Variants in ZNF223 observed in about 807,000 individuals in gnomAD.
ZNF223 encodes zinc finger protein 223.
In ZNF223, 9 loss-of-function variants were observed where a neutral mutation model predicts 12.3. That is an observed-to-expected ratio of 0.73 (90% CI 0.44 to 1.28). The LOEUF is 1.28. ZNF223 is among the 50% of genes most tolerant of loss of function. The pLI is 0.00. For missense variants in ZNF223, 506 were observed against 579.0 expected (o/e 0.87, Z 1.29); for synonymous variants, 171 against 195.2 (o/e 0.88, Z 1.03).
At chr19:44,060,707 A>G (rs945444696) in intron 3 of ZNF223, 42 bp from the exon 4 acceptor site, 1 of 1,613,526 alleles carries the variant, frequency 6.2e-7, no homozygotes, top group Non-Finnish European at 8.5e-7. Context: ...GATATTATCT[A>G]GAATATGTTG....
intron 2 of ZNF223, among the ~76,000 whole-genome samples, chr19:44,059,710 C>T (rs899878546): frequency 6.6e-6 from 1 of 152,162 alleles, no homozygotes; most frequent in Non-Finnish European, 1.5e-5. Flanking sequence ...ACATCCATTC[C>T]CCTGGTTGTT....
At chr19:44,059,271 C>A in intron 2 of ZNF223, among the ~76,000 whole-genome samples, 1 of 152,166 alleles carries the variant, frequency 6.6e-6, no homozygotes. Flanking sequence ...ATCAAAGGAA[C>A]ATGGTGCGAG....
chr19:44,065,494 G>A (rs1341967763), intron 4 of ZNF223, among the ~76,000 whole-genome samples: 1 of 151,434 alleles, frequency 6.6e-6, no homozygotes, highest in African/African-American at 2.4e-5. Flanking sequence ...TTAAATGTAT[G>A]TGTCATATTA....
In ZNF223 at chr19:44,067,062, G is replaced by A; in HGVS notation, c.1234G>A (p.Ala412Thr). The A allele has an allele frequency of 6.2e-7, 1 of 1,613,900 alleles. No individual in the cohort carries two copies. ...TGACTGTGGGAAGAGCTTTAGACAG[G>A]CCTCAAGTATTTTGAATCATAAGAG... ...CDDCGKSFRQ[A>T]SSILNHKRLH... is the part of the protein sequence containing the mutation. Residue 412 changes from alanine to threonine, a missense_variant, in exon 5 of 5, where the codon GCC becomes ACC. By Grantham distance (58) the Ala-to-Thr change is moderately conservative. Transcript: ENST00000434772.
chr19:44,057,675 G>C (rs1269268752), intron 2 of ZNF223, among the ~76,000 whole-genome samples: 3 of 152,204 alleles, frequency 2.0e-5, no homozygotes, highest in African/African-American at 7.2e-5. Context: ...GGTTAGAAAT[G>C]GGCAGACTCT....
chr19:44,059,905 CAG>C (rs1350751224), intron 2 of ZNF223, among the ~76,000 whole-genome samples: 4 of 152,176 alleles, frequency 2.6e-5, no homozygotes, highest in Non-Finnish European at 4.4e-5. Flanking sequence ...CCATAGAAGT[CAG>C]GGGATGTTCA....
rs369738217 is a variant in ZNF223 at position 44,060,727 on chromosome 19, A to T, written c.143-22A>T. On this transcript the variant is annotated intron_variant, in intron 3 of 4. Coordinates refer to ENST00000434772, the MANE Select transcript of ZNF223 (RefSeq NM_013361.6). ...TATCTAGAATATGTTGGGATTAAGC[A>T]TGTGACTTTTCCTGTTTACAGGGCA... is the stretch of plus-strand genomic sequence containing the variant. 5 of 1,613,960 alleles carry T rather than the reference A, an allele frequency of 3.1e-6. No homozygotes were observed. In the East Asian group the frequency reaches 8.9e-5, roughly 29 times the overall value.
Position 44,066,051 on chromosome 19 carries a change from T to G in ZNF223, c.236-13T>G, listed in dbSNP as rs757049159. 3 of 1,566,836 alleles carry G rather than the reference T, an allele frequency of 1.9e-6. No individual in the cohort carries two copies. The highest frequency in any genetic ancestry group is 2.6e-6 in the Non-Finnish European group (3 of 1,162,452). On this transcript the variant is annotated splice_polypyrimidine_tract_variant and intron_variant, in intron 4 of 4. Coordinates refer to ENST00000434772, the MANE Select transcript of ZNF223 (RefSeq NM_013361.6). Reference sequence around the variant, plus strand: ...ATAGCTTGTCCTGATCTCTTAATTTTGTATTCTGATAGGAGGCAAGATCCA... The same window carrying G: ...ATAGCTTGTCCTGATCTCTTAATTTGGTATTCTGATAGGAGGCAAGATCCA...
chr19:44,059,279 G>A (rs545648659), intron 2 of ZNF223, among the ~76,000 whole-genome samples: 3 of 152,184 alleles, frequency 2.0e-5, no homozygotes, highest in African/African-American at 7.2e-5. Context: ...AACATGGTGC[G>A]AGAAAGCACA....
chr19:44,052,562 A>G (rs1465445019), intron 1 of ZNF223, among the ~76,000 whole-genome samples: 1 of 152,204 alleles, frequency 6.6e-6, no homozygotes, highest in Non-Finnish European at 1.5e-5. Flanking sequence ...AACGTTTGAT[A>G]TCATTTCAAA....
At chr19:44,053,908 C>T (rs1239042609) in intron 1 of ZNF223, among the ~76,000 whole-genome samples, 1 of 152,182 alleles carries the variant, frequency 6.6e-6, no homozygotes, top group Non-Finnish European at 1.5e-5. Context: ...CCTGCACAGC[C>T]CTAAATCCAT....
Position 44,066,900 on chromosome 19 carries a change from T to C in ZNF223, c.1072T>C (p.Tyr358His), listed in dbSNP as rs758562949. 1 of 1,614,038 alleles carries C rather than the reference T, an allele frequency of 6.2e-7. No individual in the cohort carries two copies. The highest frequency in any genetic ancestry group is 8.5e-7 in the Non-Finnish European group (1 of 1,179,982). ...TGGGAAGAGCTTCAGACGGTCCTCC[T>C]ATCTTTTGATCCATCAGCGAGTCCA... is the stretch of plus-strand genomic sequence containing the variant. ...ECGKSFRRSS[Y>H]LLIHQRVHTG... is the part of the protein sequence containing the mutation. Residue 358 changes from tyrosine to histidine, a missense_variant, in exon 5 of 5, where the codon TAT (tyrosine) becomes CAT (histidine). Tyr to His is a moderately conservative substitution (Grantham distance 83). Coordinates refer to ENST00000434772, the MANE Select transcript of ZNF223 (RefSeq NM_013361.6).
At chr19:44,056,925 C>T (rs1016659905) in intron 2 of ZNF223, among the ~76,000 whole-genome samples, 5 of 151,982 alleles carry the variant, frequency 3.3e-5, no homozygotes, top group Admixed American at 2.0e-4. Context: ...GAAAAAATGA[C>T]AACCTGGGGC....
In ZNF223 at chr19:44,067,358, CA is replaced by C; in HGVS notation, c.*82del. The C allele has an allele frequency of 7.6e-7, 1 of 1,311,710 alleles. No homozygotes were observed. The highest frequency in any genetic ancestry group is 1.1e-6 in the Non-Finnish European group (1 of 933,862). 81.3% of individuals were successfully genotyped at this position (1,311,710 alleles called of 1,614,324 possible). ...ATAATGATCAAATCAGTGTAATTAG[CA>C]CATTTATCACCTCAATTATCTCTTT... On this transcript the variant is annotated 3_prime_UTR_variant, in exon 5 of 5. Coordinates refer to ENST00000434772, the MANE Select transcript of ZNF223 (RefSeq NM_013361.6).
chr19:44,059,671 T>G (rs1976811450), intron 2 of ZNF223, among the ~76,000 whole-genome samples: 1 of 152,196 alleles, frequency 6.6e-6, no homozygotes, highest in African/African-American at 2.4e-5. Context: ...AGTCTGTCTG[T>G]CCCTGTCCTG....
chr19:44,061,791 T>A (rs1374750072), intron 4 of ZNF223, among the ~76,000 whole-genome samples: 2 of 152,208 alleles, frequency 1.3e-5, no homozygotes, highest in Non-Finnish European at 2.9e-5. Flanking sequence ...CACTTGCTTT[T>A]CTCTCTGACT....
chr19:44,062,031 T>C (rs1170237553), intron 4 of ZNF223, among the ~76,000 whole-genome samples: 1 of 152,254 alleles, frequency 6.6e-6, no homozygotes, highest in Non-Finnish European at 1.5e-5. Context: ...TGTTTATGAC[T>C]GCATCTTCAG....
intron 1 of ZNF223, among the ~76,000 whole-genome samples, chr19:44,053,686 G>A (rs959578197): frequency 6.6e-6 from 1 of 152,094 alleles, no homozygotes; most frequent in Non-Finnish European, 1.5e-5. Context: ...TATGGGTGTC[G>A]GGCTGGGGGA....
rs937900169 is a variant in ZNF223 at position 44,065,966 on chromosome 19, C to G, written c.236-98C>G. 2.7e-6 allele frequency: 4 copies of G among 1,491,238 alleles called. No individual in the cohort carries two copies. In the African/African-American group the frequency reaches 5.6e-5, roughly 21 times the overall value. 92.4% of individuals were successfully genotyped at this position (1,491,238 alleles called of 1,614,324 possible). On this transcript the variant is annotated intron_variant, in intron 4 of 4. Coordinates refer to ENST00000434772, the MANE Select transcript of ZNF223 (RefSeq NM_013361.6). Reference sequence around the variant, plus strand: ...GTGCACTTGGAAAACACAAACTGAACATTCGTTGAAGTTTCATACCATGTC... The same window carrying G: ...GTGCACTTGGAAAACACAAACTGAAGATTCGTTGAAGTTTCATACCATGTC...
Sources: allele counts gnomAD v4.1 joint callset (sites outside exome capture counted in the v4.1 genomes callset), GRCh38; gene constraint gnomAD v4.1.1; transcripts MANE v1.5; gene names NCBI Gene and HGNC (gene_info 2026-07-23, HGNC 2026-07-21).